SELENOF: variants seen among roughly 807,000 people sequenced by gnomAD.
SELENOF encodes selenoprotein F.
In SELENOF, 16 loss-of-function variants were observed where a neutral mutation model predicts 20.5. The observed-to-expected ratio is 0.78, with a 90% CI of 0.53 to 1.19. The LOEUF (loss-of-function observed/expected upper bound fraction) is 1.19. Among genes scored for constraint, SELENOF ranks in the 50% most tolerant of loss-of-function variants. SELENOF has a pLI of 0.00. For missense variants in SELENOF, 215 were observed against 194.2 expected (o/e 1.11, Z -0.64); for synonymous variants, 78 against 74.5 (o/e 1.05, Z -0.24).
At position 86,885,148 on chromosome 1, in the gene SELENOF, T is replaced by G. The variant is rs563948311; in HGVS notation, c.253-4423A>C. Among the ~76,000 whole-genome samples the G allele has an allele frequency of 1.9e-4, 29 of 152,308 alleles. No individual in the cohort carries two copies. The South Asian group carries it at 2.7e-3, about 14-fold the overall frequency. On this transcript the variant is annotated intron_variant, in intron 2 of 4. Coordinates refer to ENST00000331835, the MANE Select transcript of SELENOF (RefSeq NM_004261.5). ...TTGATGTTTTCCCAGTTTAAATATT[T>G]TAACTACTACAGGTACTACAGGTTG...
At chr1:86,875,262 A>G (rs954838920) in intron 3 of SELENOF, among the ~76,000 whole-genome samples, 1 of 151,954 alleles carries the variant, frequency 6.6e-6, no homozygotes, top group Admixed American at 6.6e-5. Flanking sequence ...AACAAAAAAG[A>G]AAAGAAAATT....
At chr1:86,902,748 G>A (rs1237109310) in intron 2 of SELENOF, among the ~76,000 whole-genome samples, 1 of 152,212 alleles carries the variant, frequency 6.6e-6, no homozygotes, top group East Asian at 1.9e-4. Context: ...TTTACCTGGA[G>A]AGACTGAACT....
chr1:86,901,275 C>G (rs1464007305), intron 2 of SELENOF, among the ~76,000 whole-genome samples: 2 of 152,048 alleles, frequency 1.3e-5, no homozygotes. Context: ...ATCCAGAGAA[C>G]AATATTGCAT....
intron 2 of SELENOF, among the ~76,000 whole-genome samples, chr1:86,885,445 C>T (rs1287283559): frequency 6.6e-6 from 1 of 152,110 alleles, no homozygotes; most frequent in African/African-American, 2.4e-5. Flanking sequence ...AAAGGTGACA[C>T]TTGAGAATTA....
intron 3 of SELENOF, among the ~76,000 whole-genome samples, chr1:86,869,502 CAA>C (rs1658699114): frequency 6.6e-6 from 1 of 152,066 alleles, no homozygotes; most frequent in Non-Finnish European, 1.5e-5. Context: ...AAGCTCTAAA[CAA>C]ATCTTAAAAT....
At chr1:86,866,980 T>G (rs907452151) in intron 4 of SELENOF, among the ~76,000 whole-genome samples, 1 of 152,222 alleles carries the variant, frequency 6.6e-6, no homozygotes, top group African/African-American at 2.4e-5. Flanking sequence ...TGAAAACTTA[T>G]GTGTACACAG....
intron 3 of SELENOF, among the ~76,000 whole-genome samples, chr1:86,875,948 G>A (rs1234657402): frequency 6.6e-6 from 1 of 152,126 alleles, no homozygotes; most frequent in Admixed American, 6.5e-5. Flanking sequence ...TGTGAATCTA[G>A]AAGAGAAACC....
chr1:86,890,896 A>T (rs933220727), intron 2 of SELENOF, among the ~76,000 whole-genome samples: 1 of 152,130 alleles, frequency 6.6e-6, no homozygotes, highest in African/African-American at 2.4e-5. Context: ...ATGAGATACC[A>T]GCTTTAAGAG....
intron 4 of SELENOF, among the ~76,000 whole-genome samples, chr1:86,866,729 G>A (rs987260177): frequency 2.6e-5 from 4 of 152,108 alleles, no homozygotes; most frequent in African/African-American, 9.7e-5. Flanking sequence ...TATCATTAGG[G>A]AATTGCAAAT....
chr1:86,876,888 A>T (rs1658936112), intron 3 of SELENOF, among the ~76,000 whole-genome samples: 2 of 152,236 alleles, frequency 1.3e-5, no homozygotes, highest in Non-Finnish European at 2.9e-5. Context: ...AAACAGTAGA[A>T]AGAGAAGCCC....
At chr1:86,899,711 C>T (rs1215610582) in intron 2 of SELENOF, among the ~76,000 whole-genome samples, 7 of 151,474 alleles carry the variant, frequency 4.6e-5, no homozygotes, top group African/African-American at 1.7e-4. Context: ...CCCTCCCGGA[C>T]AGGGCGGCTG....
chr1:86,900,380 G>C (rs1659665129), intron 2 of SELENOF, among the ~76,000 whole-genome samples: 10 of 152,318 alleles, frequency 6.6e-5, no homozygotes, highest in Middle Eastern at 3.4e-3. Context: ...GCGGTTAGGA[G>C]CTGGAGACCA....
intron 2 of SELENOF, among the ~76,000 whole-genome samples, chr1:86,901,916 CTG>C (rs1205487712): frequency 6.6e-6 from 1 of 152,154 alleles, no homozygotes; most frequent in African/African-American, 2.4e-5. Context: ...GTGGTAAACA[CTG>C]TTTATTATAA....
At position 86,899,519 on chromosome 1, in the gene SELENOF, C is replaced by T. The variant is rs1296573024; in HGVS notation, c.252+3762G>A. ...GCAGAGGCGTCCCTCACCTCCCGGA[C>T]GGGGCGGCTGGCCGGGCGGGGGGCT... On this transcript the variant is annotated intron_variant, in intron 2 of 4. Coordinates refer to ENST00000331835, the MANE Select transcript of SELENOF (RefSeq NM_004261.5). Among the ~76,000 whole-genome samples, 12 of 146,784 alleles carry T rather than the reference C, an allele frequency of 8.2e-5. 1 individual carries two copies. Among genetic ancestry groups the T allele is most frequent in the Non-Finnish European group, 1.1e-4 (7 of 66,556 alleles).
At chr1:86,904,474 A>G (rs1294608296) in intron 1 of SELENOF, among the ~76,000 whole-genome samples, 2 of 152,062 alleles carry the variant, frequency 1.3e-5, no homozygotes. Context: ...ATTCTTTTTT[A>G]CCTATCAGTG....
chr1:86,874,799 G>A (rs1026817398), intron 3 of SELENOF, among the ~76,000 whole-genome samples: 1 of 152,132 alleles, frequency 6.6e-6, no homozygotes, highest in African/African-American at 2.4e-5. Flanking sequence ...TTAGAAATAA[G>A]TATATTTGAA....
intron 2 of SELENOF, among the ~76,000 whole-genome samples, chr1:86,881,219 A>T (rs1299838285): frequency 6.6e-6 from 1 of 152,222 alleles, no homozygotes; most frequent in African/African-American, 2.4e-5. Context: ...TTATAAGAAA[A>T]GCAGTAAAAT....
intron 4 of SELENOF, among the ~76,000 whole-genome samples, chr1:86,867,820 T>C (rs569090288): frequency 2.7e-5 from 4 of 150,886 alleles, no homozygotes; most frequent in African/African-American, 9.7e-5. Context: ...GGCCAGGGAG[T>C]ATATGGGAAT....
intron 2 of SELENOF, among the ~76,000 whole-genome samples, chr1:86,884,878 T>TC (rs1301886698): frequency 4.7e-4 from 72 of 152,326 alleles, no homozygotes; most frequent in African/African-American, 1.7e-3. Context: ...TAGGAAAATA[T>TC]GAGAACGATA....
Sources: gnomAD v4.1 joint callset for allele counts (sites outside exome capture counted in the v4.1 genomes callset) on GRCh38, gnomAD v4.1.1 for gene constraint, MANE v1.5 for transcripts, NCBI Gene and HGNC (gene_info 2026-07-23, HGNC 2026-07-21) for gene names.